KCNQ3: variants seen among roughly 807,000 people sequenced by gnomAD.
The protein encoded by KCNQ3 is potassium voltage-gated channel subfamily KQT member 3.
KCNQ3 carries 30 observed loss-of-function variants against 92.5 expected under a neutral mutation model. The observed-to-expected ratio is 0.32, with a 90% CI of 0.24 to 0.44. The LOEUF is 0.44. Ranked by LOEUF, KCNQ3 falls within the 20% of genes least tolerant of loss-of-function variation. The pLI is 1.00. For missense variants in KCNQ3, 913 were observed against 1,140.3 expected, an observed-to-expected ratio of 0.80 and a Z score of 2.87; for synonymous variants, 450 against 468.8, an observed-to-expected ratio of 0.96 and a Z score of 0.52.
chr8:132,266,636 A>C (rs1425845426), intron 1 of KCNQ3, among the ~76,000 whole-genome samples: 7 of 152,168 alleles, frequency 4.6e-5, no homozygotes, highest in Non-Finnish European at 4.4e-5. Context: ...GACAGAAATC[A>C]GAGGGTCCCA....
chr8:132,265,782 C>A (rs535613719), intron 1 of KCNQ3, among the ~76,000 whole-genome samples: 3 of 152,292 alleles, frequency 2.0e-5, no homozygotes, highest in African/African-American at 7.2e-5. Context: ...GTCTTAAATA[C>A]CCCATCCCTT....
chr8:132,309,628 A>G (rs1817532093), intron 1 of KCNQ3, among the ~76,000 whole-genome samples: 1 of 152,226 alleles, frequency 6.6e-6, no homozygotes, highest in Admixed American at 6.5e-5. Context: ...AATAGCAAGG[A>G]CCACACACTA....
chr8:132,216,531 C>T (rs552692915), intron 1 of KCNQ3, among the ~76,000 whole-genome samples: 2 of 152,292 alleles, frequency 1.3e-5, no homozygotes, highest in South Asian at 2.1e-4. Flanking sequence ...TGGCACAATG[C>T]GTTGGAACCA....
At chr8:132,330,943 G>A (rs1168318678) in intron 1 of KCNQ3, among the ~76,000 whole-genome samples, 3 of 152,194 alleles carry the variant, frequency 2.0e-5, no homozygotes, top group Non-Finnish European at 4.4e-5. Context: ...TCCATGATCA[G>A]CACATCATAG....
rs777808372 is a variant in KCNQ3, at chr8:132,369,854, G to A, written c.386+110293C>T. ...TTAGGAAGACATGGAGTATGACAAG[G>A]CTTGCAATAAATATCTGCTATTAAA... is the stretch of plus-strand genomic sequence containing the variant. On this transcript the variant is annotated intron_variant, in intron 1 of 14. Coordinates refer to ENST00000388996, the MANE Select transcript of KCNQ3 (RefSeq NM_004519.4). 2.6e-5 allele frequency among the ~76,000 whole-genome samples: 4 copies of A among 152,136 alleles called. No homozygotes were observed. In the South Asian group the frequency reaches 8.3e-4, roughly 32 times the overall value.
chr8:132,211,765 A>G (rs1390582955), intron 1 of KCNQ3, among the ~76,000 whole-genome samples: 1 of 152,076 alleles, frequency 6.6e-6, no homozygotes, highest in East Asian at 1.9e-4. Flanking sequence ...AGCCTGACCA[A>G]CATAGTGACA....
At chr8:132,231,089 A>G (rs1814631948) in intron 1 of KCNQ3, among the ~76,000 whole-genome samples, 1 of 152,202 alleles carries the variant, frequency 6.6e-6, no homozygotes, top group African/African-American at 2.4e-5. Context: ...TGCGACCAGA[A>G]TGATGCATTC....
At chr8:132,380,923 T>G (rs1391670063) in intron 1 of KCNQ3, among the ~76,000 whole-genome samples, 5 of 37,850 alleles carry the variant, frequency 1.3e-4, no homozygotes, top group African/African-American at 3.9e-4. Flanking sequence ...GAAAAAGAAA[T>G]GAAAGCAGAA....
At position 132,141,652 on chromosome 8, in the gene KCNQ3, T is replaced by A. The variant is rs187511253; in HGVS notation, c.1263-321A>T. Among the ~76,000 whole-genome samples, 158 of 152,322 alleles carry A rather than the reference T, an allele frequency of 1.0e-3. 1 individual carries two copies. Among genetic ancestry groups the A allele is most frequent in the Admixed American group, 3.0e-3 (46 of 15,304 alleles). ...TGCTGCAGAGATTCATCTTTCCCCATGCCCATTTCCTGCATCAATAACTTC... is the reference window on the plus strand; with the variant it reads ...TGCTGCAGAGATTCATCTTTCCCCAAGCCCATTTCCTGCATCAATAACTTC... On this transcript the variant is annotated intron_variant, in intron 9 of 14. Transcript: ENST00000388996.
intron 1 of KCNQ3, among the ~76,000 whole-genome samples, chr8:132,478,009 T>A (rs1822455366): frequency 6.6e-6 from 1 of 152,246 alleles, no homozygotes; most frequent in South Asian, 2.1e-4. Context: ...ATAACGGAGA[T>A]AATAATTTCC....
chr8:132,354,004 G>A (rs1818946084), intron 1 of KCNQ3, among the ~76,000 whole-genome samples: 3 of 152,306 alleles, frequency 2.0e-5, no homozygotes, highest in African/African-American at 7.2e-5. Context: ...CCCTGAGCCA[G>A]GTACTGTGGG....
rs951261161 is a variant in KCNQ3, at chr8:132,127,922, G to A, written c.*1340C>T. The stretch of plus-strand genomic sequence containing the variant: ...TATTTTCATTTAAAAAATCTGGGTT[G>A]GTTCCATAAATTTGGAAAAGTAAAA... On this transcript the variant is annotated 3_prime_UTR_variant, in exon 15 of 15. Coordinates refer to ENST00000388996, the MANE Select transcript of KCNQ3 (RefSeq NM_004519.4). 1 of 152,130 alleles carries A rather than the reference G, an allele frequency of 6.6e-6. No individual in the cohort carries two copies. Among genetic ancestry groups the A allele is most frequent in the African/African-American group, 2.4e-5 (1 of 41,408 alleles). 9.4% of individuals were successfully genotyped at this position (152,130 alleles called of 1,614,324 possible). A position where few individuals can be genotyped will look rare whatever the true frequency, so the allele number is the denominator to read the frequency against.
intron 1 of KCNQ3, among the ~76,000 whole-genome samples, chr8:132,275,727 G>C (rs1816306681): frequency 6.6e-6 from 1 of 152,152 alleles, no homozygotes; most frequent in Admixed American, 6.5e-5. Context: ...ACAGGCGCCT[G>C]CCACCAGGCC....
At chr8:132,146,276 G>C (rs1481240186) in intron 9 of KCNQ3, among the ~76,000 whole-genome samples, 1 of 152,178 alleles carries the variant, frequency 6.6e-6, no homozygotes, top group Non-Finnish European at 1.5e-5. Context: ...AAAATGAATG[G>C]ACATACAACG....
At chr8:132,150,126 G>C (rs1350412213) in intron 9 of KCNQ3, among the ~76,000 whole-genome samples, 1 of 151,850 alleles carries the variant, frequency 6.6e-6, no homozygotes. Context: ...GAATGATGGG[G>C]ATCACTGTAT....
At chr8:132,213,700 C>T (rs1459503100) in intron 1 of KCNQ3, among the ~76,000 whole-genome samples, 1 of 152,210 alleles carries the variant, frequency 6.6e-6, no homozygotes, top group Non-Finnish European at 1.5e-5. Flanking sequence ...ATCTAAAGGC[C>T]AGCCATCACT....
intron 1 of KCNQ3, among the ~76,000 whole-genome samples, chr8:132,462,548 TA>T (rs1822086375): frequency 6.6e-6 from 1 of 152,216 alleles, no homozygotes; most frequent in Non-Finnish European, 1.5e-5. Context: ...TTCAATTTTT[TA>T]CAAATGACAA....
chr8:132,364,423 G>GC (rs1157560915), intron 1 of KCNQ3, among the ~76,000 whole-genome samples: 5 of 152,164 alleles, frequency 3.3e-5, no homozygotes, highest in Non-Finnish European at 7.3e-5. Flanking sequence ...CATTGAATCT[G>GC]CCTTTCACTG....
At chr8:132,321,682 G>A (rs1771023843) in intron 1 of KCNQ3, 1 of 152,128 alleles carries the variant, frequency 6.6e-6, no homozygotes, top group Non-Finnish European at 1.5e-5. Flanking sequence ...TTTTTCTGGG[G>A]TTACTCCATG....
Sources: gnomAD v4.1 joint callset for allele counts (sites outside exome capture counted in the v4.1 genomes callset) on GRCh38, gnomAD v4.1.1 for gene constraint, MANE v1.5 for transcripts, NCBI Gene and HGNC (gene_info 2026-07-23, HGNC 2026-07-21) for gene names.